Variants in COL4A2 observed in about 807,000 individuals in gnomAD.
COL4A2 encodes the protein collagen type IV alpha 2 chain.
COL4A2 carries 99 observed loss-of-function variants against 200.2 expected under a neutral mutation model. That is an observed-to-expected ratio of 0.49 (90% CI 0.42 to 0.58). The LOEUF (loss-of-function observed/expected upper bound fraction) is 0.58, where lower values mean the gene tolerates loss of function less well. Ranked by LOEUF, COL4A2 falls within the 20% of genes least tolerant of loss-of-function variation. The pLI is 0.00. For synonymous variants in COL4A2, 897 were observed against 900.6 expected (o/e 1.00, Z 0.07); for missense variants, 1,950 against 2,314.1 (o/e 0.84, Z 3.23).
chr13:110,479,785 G>C (rs1401484543), intron 30 of COL4A2, among the ~76,000 whole-genome samples: 1 of 152,220 alleles, frequency 6.6e-6, no homozygotes, highest in Admixed American at 6.5e-5. Context: ...GGAGACCAGA[G>C]AGGGCAGCAG....
intron 4 of COL4A2, among the ~76,000 whole-genome samples, chr13:110,399,002 C>T (rs980970364): frequency 2.0e-5 from 3 of 151,972 alleles, no homozygotes; most frequent in Admixed American, 6.5e-5. Context: ...TTGTAAGAAG[C>T]TTTTTTTATT....
At chr13:110,430,946 T>C (rs143679868) in intron 10 of COL4A2, 1 of 502,340 alleles carries the variant, frequency 2.0e-6, no homozygotes, top group African/African-American at 1.9e-5. Context: ...GTCCCACAGG[T>C]TCATAAGGAG....
At chr13:110,490,033 C>T (rs986149923) in intron 36 of COL4A2, among the ~76,000 whole-genome samples, 1 of 152,230 alleles carries the variant, frequency 6.6e-6, no homozygotes, top group Non-Finnish European at 1.5e-5. Flanking sequence ...AATGGACCCT[C>T]GGTGGATGAG....
chr13:110,316,157 G>A (rs527886684), intron 3 of COL4A2, among the ~76,000 whole-genome samples: 1 of 152,332 alleles, frequency 6.6e-6, no homozygotes, highest in East Asian at 1.9e-4. Context: ...AATTAGAGAA[G>A]AATGTGTGTT....
chr13:110,411,276 C>A (rs911430147), intron 4 of COL4A2, among the ~76,000 whole-genome samples: 1 of 152,210 alleles, frequency 6.6e-6, no homozygotes, highest in Admixed American at 6.5e-5. Flanking sequence ...AAACAGCCAA[C>A]CTTTTTAGCA....
Position 110,503,206 on chromosome 13 carries a change from C to T in COL4A2, c.3963C>T (p.Thr1321=). The T allele has an allele frequency of 1.2e-6, 2 of 1,613,966 alleles. No individual in the cohort carries two copies. Among genetic ancestry groups the T allele is most frequent in the Non-Finnish European group, 1.7e-6 (2 of 1,179,974 alleles). Residue 1321 remains threonine, a synonymous_variant, in exon 42 of 48, where the codon ACC becomes ACT. Coordinates refer to ENST00000360467, the MANE Select transcript of COL4A2 (RefSeq NM_001846.4). ...CAGGGAACCCAGGAGCTCCAGGAAC[C>T]CCAGGGACCAAAGGATGGGCCGGGG... ...GDTGNPGAPG[T]PGTKGWAGDS... is the part of the protein sequence containing the mutation.
chr13:110,416,481 G>C (rs942664885), intron 4 of COL4A2, among the ~76,000 whole-genome samples: 8 of 152,196 alleles, frequency 5.3e-5, no homozygotes, highest in Admixed American at 3.9e-4. Context: ...GGTAATAAAA[G>C]GCTTTCCCAG....
intron 3 of COL4A2, among the ~76,000 whole-genome samples, chr13:110,337,067 A>T (rs1346519695): frequency 6.6e-6 from 1 of 152,234 alleles, no homozygotes; most frequent in Non-Finnish European, 1.5e-5. Context: ...GAAATGAGGA[A>T]AACAGACTGC....
intron 4 of COL4A2, among the ~76,000 whole-genome samples, chr13:110,389,478 A>G (rs1207048075): frequency 6.6e-6 from 1 of 152,182 alleles, no homozygotes; most frequent in Non-Finnish European, 1.5e-5. Flanking sequence ...AGCGAAGATG[A>G]CCCTCACAGC....
Position 110,438,150 on chromosome 13 carries a change from A to G in COL4A2, c.861+113A>G, listed in dbSNP as rs1023793492. 5 of 792,856 alleles carry G rather than the reference A, an allele frequency of 6.3e-6. No individual in the cohort carries two copies. The Admixed American group carries it at 6.9e-5, about 11-fold the overall frequency. 49.1% of individuals were successfully genotyped at this position (792,856 alleles called of 1,614,324 possible). A position where few individuals can be genotyped will look rare whatever the true frequency, so the allele number is the denominator to read the frequency against. ...GGGGCCCGCACACCGCCAGTCTCTC[A>G]TCCCCTTGTCCATAGCAGAACAGTA... On this transcript the variant is annotated intron_variant, in intron 14 of 47. Transcript: ENST00000360467.
chr13:110,383,123 T>A (rs1200259893), intron 4 of COL4A2, among the ~76,000 whole-genome samples: 6 of 152,278 alleles, frequency 3.9e-5, no homozygotes, highest in African/African-American at 1.4e-4. Context: ...TCTTGTTTAT[T>A]TTTTTAATGT....
chr13:110,363,230 C>G (rs1414871538), intron 4 of COL4A2, among the ~76,000 whole-genome samples: 1 of 152,216 alleles, frequency 6.6e-6, no homozygotes, highest in Non-Finnish European at 1.5e-5. Flanking sequence ...GGCCTGGCAG[C>G]TGCAGCTGAG....
intron 20 of COL4A2, among the ~76,000 whole-genome samples, chr13:110,454,786 G>A (rs1881660934): frequency 6.6e-6 from 1 of 152,046 alleles, no homozygotes; most frequent in African/African-American, 2.4e-5. Context: ...TTCCTCTCTG[G>A]CCCTGTTCTG....
chr13:110,475,175 C>T (rs1044908009), intron 29 of COL4A2, among the ~76,000 whole-genome samples: 7 of 152,264 alleles, frequency 4.6e-5, no homozygotes, highest in African/African-American at 1.2e-4. Flanking sequence ...GGGGAGGCCT[C>T]GTGCTCGGCC....
chr13:110,341,016 A>C (rs369448241), intron 3 of COL4A2: 1 of 152,136 alleles, frequency 6.6e-6, no homozygotes, highest in East Asian at 1.9e-4. Flanking sequence ...ATGGTATGTC[A>C]GGGAGCTGGT....
chr13:110,378,798 C>T (rs1878346503), intron 4 of COL4A2, among the ~76,000 whole-genome samples: 1 of 152,172 alleles, frequency 6.6e-6, no homozygotes, highest in Non-Finnish European at 1.5e-5. Context: ...CCCAGTCTGA[C>T]CTAGACAGTC....
intron 27 of COL4A2, 121 bp from the exon 28 acceptor site, chr13:110,469,096 T>C: frequency 8.9e-7 from 1 of 1,120,882 alleles, no homozygotes; most frequent in African/African-American, 1.6e-5. Flanking sequence ...AGGCTGATAT[T>C]CCCCCCAGCC....
chr13:110,408,473 G>C (rs1422444073), intron 4 of COL4A2, among the ~76,000 whole-genome samples: 7 of 152,208 alleles, frequency 4.6e-5, no homozygotes, highest in Admixed American at 4.6e-4. Flanking sequence ...TGGCTTCACC[G>C]TCGGCTGGCC....
chr13:110,449,839 C>G (rs1052490587), intron 19 of COL4A2, 50 bp downstream of exon 19: 1 of 1,509,490 alleles, frequency 6.6e-7, no homozygotes, highest in African/African-American at 1.4e-5. Context: ...CACCTGCACT[C>G]AGGTCCTAGC....
Sources: allele counts gnomAD v4.1 joint callset (sites outside exome capture counted in the v4.1 genomes callset), GRCh38; gene constraint gnomAD v4.1.1; transcripts MANE v1.5; gene names NCBI Gene and HGNC (gene_info 2026-07-23, HGNC 2026-07-21).